The following KANSL3 variants were observed in gnomAD, a reference collection of about 807,000 sequenced individuals.
The protein encoded by KANSL3 is KAT8 regulatory NSL complex subunit 3.
In KANSL3, 16 loss-of-function variants were observed where a neutral mutation model predicts 89.2. The ratio of observed to expected loss-of-function variants is 0.18; its 90% CI spans 0.12 to 0.27. The LOEUF (loss-of-function observed/expected upper bound fraction) is 0.27. KANSL3 is among the 10% of genes least tolerant of loss of function. KANSL3 has a pLI of 1.00. For synonymous variants in KANSL3, 385 were observed against 419.7 expected (o/e 0.92, Z 1.01); for missense variants, 879 against 1,110.6 (o/e 0.79, Z 2.96).
In KANSL3 at chr2:96,613,477, A is replaced by T; in HGVS notation, c.795+11T>A. ...ATGTACCATTGTTAAGTCCTGAGCC[A>T]TCCAACTTACTGGTTTGTTATGAGA... On this transcript the variant is annotated intron_variant, in intron 6 of 20. Transcript: ENST00000431828. 1 of 1,612,682 alleles carries T rather than the reference A, an allele frequency of 6.2e-7. No homozygotes were observed. The highest frequency in any genetic ancestry group is 8.5e-7 in the Non-Finnish European group (1 of 1,179,100).
intron 20 of KANSL3, chr2:96,598,255 G>T (rs2066735649): frequency 1.4e-5 from 5 of 360,218 alleles, no homozygotes; most frequent in African/African-American, 2.2e-5. Context: ...GAGTATGAGA[G>T]GGGAAAAGCA....
rs1289906435 is a variant in KANSL3, at chr2:96,619,688, C to T, written c.461G>A (p.Arg154His). The T allele has an allele frequency of 1.9e-6, 3 of 1,564,506 alleles. No individual in the cohort carries two copies. Among genetic ancestry groups the T allele is most frequent in the African/African-American group, 1.4e-5 (1 of 73,540 alleles). The stretch of plus-strand genomic sequence containing the variant: ...GTGTCTTACCCCTTCGTTGGCCAAG[C>T]GGGCAAGCCGGTCAGACTGCAGGGC... The part of the protein sequence containing the change: ...LKALQSDRLA[R>H]LANEGACNEP... The change falls in exon 4 of 21, where the codon CGC becomes CAC. Residue 154 changes from arginine (R) to histidine (H), a missense_variant. Transcript: ENST00000431828.
chr2:96,608,922 C>A lies in KANSL3; in HGVS notation c.1526G>T (p.Arg509Leu), dbSNP rs867927027. ...RRDLAFEVPE[R>L]GSRPASPAAK... ...AGCTGGGGAGGCAGGTCGACTGCCC[C>A]GCTCAGGGACTTCAAAGGCCAAGTC... Residue 509 changes from arginine (R) to leucine (L), a missense_variant, in exon 13 of 21, where the codon CGG (arginine) becomes CTG (leucine). Physicochemically the swap from Arg to Leu is moderately radical, Grantham distance 102 (BLOSUM62 -2). Around this residue, in one of 6 missense-constraint regions of KANSL3, gnomAD observed 317 missense variants for 311.2 expected, o/e 1.02. Coordinates refer to ENST00000431828, the MANE Select transcript of KANSL3 (RefSeq NM_001115016.3). The A allele has an allele frequency of 1.3e-6, 2 of 1,570,700 alleles. No homozygotes were observed. Among genetic ancestry groups the A allele is most frequent in the Admixed American group, 1.9e-5 (1 of 53,048 alleles).
intron 16 of KANSL3, 44 bp from the exon 17 acceptor site, chr2:96,604,424 C>G: frequency 6.3e-7 from 1 of 1,594,918 alleles, no homozygotes. Flanking sequence ...GGTCACAGGA[C>G]AGCAAGCCCT....
chr2:96,618,410 A>G (rs1398281037), intron 5 of KANSL3, among the ~76,000 whole-genome samples: 1 of 152,120 alleles, frequency 6.6e-6, no homozygotes, highest in Admixed American at 6.5e-5. Flanking sequence ...GGCTGGTCTC[A>G]AACTCCTGAG....
chr2:96,624,582 C>A (rs766459802), intron 3 of KANSL3, among the ~76,000 whole-genome samples: 1 of 152,160 alleles, frequency 6.6e-6, no homozygotes, highest in Non-Finnish European at 1.5e-5. Flanking sequence ...AGCGCAATGG[C>A]GTGATCTCGG....
rs1481616797 is a variant in KANSL3, at chr2:96,593,540, G to A, written c.*2071C>T. 5.8e-6 allele frequency: 2 copies of A among 344,964 alleles called. No individual in the cohort carries two copies. Among genetic ancestry groups the A allele is most frequent in the South Asian group, 2.3e-5 (1 of 44,248 alleles). The allele number at this position is 344,964 out of a possible 1,614,324, so 21.4% of individuals were successfully genotyped here. On this transcript the variant is annotated 3_prime_UTR_variant, in exon 21 of 21. Transcript: ENST00000431828. Reference sequence around the variant, plus strand: ...TCAGCCACTTCCTCTGTTACCCTGTGCAAGTTGTAGAACAATCCACGTTCT... The same window carrying A: ...TCAGCCACTTCCTCTGTTACCCTGTACAAGTTGTAGAACAATCCACGTTCT...
At chr2:96,631,234 T>A in intron 3 of KANSL3, 78 bp downstream of exon 3, 1 of 1,023,522 alleles carries the variant, frequency 9.8e-7, no homozygotes, top group Non-Finnish European at 1.5e-6. Flanking sequence ...TGAAATAAGG[T>A]CCTAATAAGT....
rs1374842277 is a variant in KANSL3 at position 96,602,345 on chromosome 2, G to GACACACAC, written c.2260-8_2260-7insGTGTGTGT. The GACACACAC allele has an allele frequency of 6.3e-7, 1 of 1,599,646 alleles. No homozygotes were observed. The highest frequency in any genetic ancestry group is 8.5e-7 in the Non-Finnish European group (1 of 1,172,822). Reference sequence around the variant, plus strand: ...GCAACTTCACACTGGTGGCCTGTGGGACACACAAGCCCAGGTGATCAGAAG... The same window carrying GACACACAC: ...GCAACTTCACACTGGTGGCCTGTGGGACACACACACACACAAGCCCAGGTGATCAGAAG... On this transcript the variant is annotated splice_region_variant and splice_polypyrimidine_tract_variant and intron_variant, in intron 18 of 20. Transcript: ENST00000431828.
At chr2:96,587,100 C>G in the KANSL3 span, among the ~76,000 whole-genome samples, 2 of 152,138 alleles carry the variant, frequency 1.3e-5, no homozygotes, top group Non-Finnish European at 2.9e-5. Flanking sequence ...GTGGCTGTCT[C>G]CTCAAATGTT....
chr2:96,602,946 C>T (rs1419567632), intron 17 of KANSL3, 84 bp from the exon 18 acceptor site: 1 of 1,258,478 alleles, frequency 7.9e-7, no homozygotes, highest in African/African-American at 1.5e-5. Flanking sequence ...ACCCTCACCA[C>T]CAACTAAAAC....
chr2:96,622,348 G>C lies in KANSL3; in HGVS notation c.387-2586C>G, dbSNP rs541731914. ...GAGGCTGGAGGATGGCTTGAGTCTAGGATATCAAGGCTGTAGTGAGGTATG... is the reference window on the plus strand; with the variant it reads ...GAGGCTGGAGGATGGCTTGAGTCTACGATATCAAGGCTGTAGTGAGGTATG... On this transcript the variant is annotated intron_variant, in intron 3 of 20. Coordinates refer to ENST00000431828, the MANE Select transcript of KANSL3 (RefSeq NM_001115016.3). 2.6e-5 allele frequency among the ~76,000 whole-genome samples: 4 copies of C among 151,700 alleles called. No individual in the cohort carries two copies. In the South Asian group the frequency reaches 6.2e-4, roughly 24 times the overall value.
intron 2 of KANSL3, among the ~76,000 whole-genome samples, chr2:96,632,042 T>C (rs2073479489): frequency 6.6e-6 from 1 of 151,768 alleles, no homozygotes; most frequent in Admixed American, 6.6e-5. Context: ...CAAGACCTGG[T>C]CTCAAAAATA....
At chr2:96,635,783 G>T (rs1311839834) in intron 2 of KANSL3, among the ~76,000 whole-genome samples, 1 of 152,200 alleles carries the variant, frequency 6.6e-6, no homozygotes, top group Non-Finnish European at 1.5e-5. Context: ...GAGGTCAGGA[G>T]TTCGAGACCA....
At chr2:96,618,211 TTC>T (rs199680771) in intron 5 of KANSL3, among the ~76,000 whole-genome samples, 3,103 of 148,116 alleles carry the variant, frequency 0.021, 110 homozygotes, top group African/African-American at 0.072. Context: ...GTTCTTTCTC[TTC>T]TCTCTCTCTC....
At chr2:96,625,244 T>C (rs1573573780) in intron 3 of KANSL3, among the ~76,000 whole-genome samples, 1 of 152,138 alleles carries the variant, frequency 6.6e-6, no homozygotes, top group East Asian at 1.9e-4. Context: ...CAAAAATCTC[T>C]AGATTTCCAG....
intron 2 of KANSL3, among the ~76,000 whole-genome samples, chr2:96,632,268 G>T (rs973089337): frequency 1.3e-5 from 2 of 152,116 alleles, no homozygotes; most frequent in African/African-American, 2.4e-5. Context: ...AGAAGTTCAA[G>T]ACCAGTTTGG....
chr2:96,583,323 T>G, the KANSL3 span, among the ~76,000 whole-genome samples: 2 of 152,320 alleles, frequency 1.3e-5, no homozygotes, highest in East Asian at 1.9e-4. Flanking sequence ...TGTGGGCCCC[T>G]TCTCACTCAA....
chr2:96,609,900 G>A (rs1256204040), intron 11 of KANSL3, among the ~76,000 whole-genome samples: 1 of 122,876 alleles, frequency 8.1e-6, no homozygotes, highest in Non-Finnish European at 1.6e-5. Flanking sequence ...GCAGTGAGCT[G>A]AGATTGCACC....
Sources: allele counts gnomAD v4.1 joint callset (sites outside exome capture counted in the v4.1 genomes callset), GRCh38; gene constraint gnomAD v4.1.1; regional missense constraint gnomAD v4.1.1; transcripts MANE v1.5; gene names NCBI Gene and HGNC (gene_info 2026-07-23, HGNC 2026-07-21).